CACNA1H: variants seen among roughly 807,000 people sequenced by gnomAD.
The protein encoded by CACNA1H is voltage-dependent T-type calcium channel subunit alpha-1H.
A neutral mutation model predicts 192.5 loss-of-function variants in CACNA1H; 149 were observed. The ratio of observed to expected loss-of-function variants is 0.77; its 90% CI spans 0.68 to 0.89. CACNA1H has a LOEUF of 0.89. Ranked by LOEUF, CACNA1H falls within the 40% of genes least tolerant of loss-of-function variation. CACNA1H has a pLI of 0.00. For missense variants in CACNA1H, 4,257 were observed against 3,423.5 expected, an observed-to-expected ratio of 1.24 and a Z score of -6.08; for synonymous variants, 2,202 against 1,475.2, an observed-to-expected ratio of 1.49 and a Z score of -11.29.
In CACNA1H at chr16:1,194,356, A is replaced by G. The variant is rs113594602; in HGVS notation, c.300-616A>G. 7.2e-5 allele frequency among the ~76,000 whole-genome samples: 11 copies of G among 152,312 alleles called. 2 individuals are homozygous for G. Among genetic ancestry groups the G allele is most frequent in the African/African-American group, 2.4e-4 (10 of 41,552 alleles). Reference sequence around the variant, plus strand: ...CTTAAGGAAGGTCCCTCCTGGGTCCACAGTCAGCTGACGGATTGCCTCTCC... The same window carrying G: ...CTTAAGGAAGGTCCCTCCTGGGTCCGCAGTCAGCTGACGGATTGCCTCTCC... On this transcript the variant is annotated intron_variant, in intron 2 of 34. Coordinates refer to ENST00000348261, the MANE Select transcript of CACNA1H (RefSeq NM_021098.3).
chr16:1,209,585 A>C lies in CACNA1H; in HGVS notation c.3744+173A>C, dbSNP rs1042400969. On this transcript the variant is annotated intron_variant, in intron 17 of 34. Transcript: ENST00000348261. ...TCCAGCAGTGTTCAGGGATTCAGCCACAGATGATCCCAGAGTCCCCCCTCT... is the reference window on the plus strand; with the variant it reads ...TCCAGCAGTGTTCAGGGATTCAGCCCCAGATGATCCCAGAGTCCCCCCTCT... The C allele has an allele frequency of 9.1e-6, 7 of 771,218 alleles. No individual in the cohort carries two copies. In the African/African-American group the frequency reaches 1.2e-4, roughly 14 times the overall value. The allele number at this position is 771,218 out of a possible 1,614,324, so 47.8% of individuals were successfully genotyped here. A position where few individuals can be genotyped will look rare whatever the true frequency, so the allele number is the denominator to read the frequency against.
chr16:1,186,468 C>T (rs1390626743), intron 2 of CACNA1H, among the ~76,000 whole-genome samples: 1 of 152,086 alleles, frequency 6.6e-6, no homozygotes, highest in Non-Finnish European at 1.5e-5. Flanking sequence ...GTCAAAGGGT[C>T]ACTGTGGACT....
intron 6 of CACNA1H, 93 bp from the exon 7 acceptor site, chr16:1,200,163 C>T (rs1338207435): frequency 8.8e-6 from 9 of 1,025,008 alleles, no homozygotes; most frequent in African/African-American, 5.2e-5. Context: ...ACGTCCCTGA[C>T]CTTGATCACG....
intron 12 of CACNA1H, 84 bp downstream of exon 12, chr16:1,206,373 A>T: frequency 7.6e-7 from 1 of 1,323,614 alleles, no homozygotes; most frequent in Non-Finnish European, 1.0e-6. Flanking sequence ...CCCCCGAAGG[A>T]GAAGGAGCCC....
chr16:1,178,940 C>T (rs1365379943), intron 2 of CACNA1H, among the ~76,000 whole-genome samples: 3 of 152,230 alleles, frequency 2.0e-5, no homozygotes, highest in African/African-American at 4.8e-5. Flanking sequence ...GGTGGCATCT[C>T]CCCAGCAGGC....
At chr16:1,191,154 C>T (rs1356019448) in intron 2 of CACNA1H, among the ~76,000 whole-genome samples, 1 of 92,040 alleles carries the variant, frequency 1.1e-5, no homozygotes, top group African/African-American at 6.0e-5. Flanking sequence ...ACTCAGCAGG[C>T]TGGCCTGGCT....
chr16:1,206,913 T>TCCCCCCCCCCC, intron 12 of CACNA1H, 88 bp from the exon 13 acceptor site: 5 of 70,704 alleles, frequency 7.1e-5, no homozygotes, highest in South Asian at 4.1e-4. Context: ...TGCCCCTCCC[T>TCCCCCCCCCCC]CCTCCCACCC....
In CACNA1H at chr16:1,220,827, G is replaced by A. The variant is rs2141413125; in HGVS notation, c.6895G>A (p.Ala2299Thr). Reference protein sequence around the residue: ...TPESRASSSGAIVPLEPPESE... With the variant: ...TPESRASSSGTIVPLEPPESE... ...AGAATCCAGAGCTTCCTCTTCAGGG[G>A]CCATAGTGCCCCTGGAACCCCCAGA... The change falls in exon 35 of 35, where the codon GCC (alanine) becomes ACC (threonine). Residue 2299 changes from alanine to threonine, a missense_variant. Transcript: ENST00000348261. The A allele has an allele frequency of 1.9e-6, 3 of 1,612,778 alleles. No homozygotes were observed. The highest frequency in any genetic ancestry group is 2.2e-5 in the East Asian group (1 of 44,852).
intron 12 of CACNA1H, chr16:1,206,798 T>C (rs983840777): frequency 1.4e-5 from 8 of 558,244 alleles, no homozygotes; most frequent in South Asian, 4.6e-5. Flanking sequence ...GCCTGTGGAA[T>C]GGACACTACT....
At chr16:1,175,117 G>T (rs1964747012) in intron 2 of CACNA1H, among the ~76,000 whole-genome samples, 1 of 151,956 alleles carries the variant, frequency 6.6e-6, no homozygotes, top group South Asian at 2.1e-4. Flanking sequence ...CACTGCGCGC[G>T]CAGGCCAACG....
chr16:1,182,110 G>C (rs899744500), intron 2 of CACNA1H, among the ~76,000 whole-genome samples: 3 of 152,176 alleles, frequency 2.0e-5, no homozygotes, highest in East Asian at 3.9e-4. Context: ...GTGTTTCCCC[G>C]GGCTGTGGCA....
rs1476430360 is a variant in CACNA1H at position 1,153,757 on chromosome 16, C to T, written c.20C>T (p.Ala7Val). 2 of 1,214,144 alleles carry T rather than the reference C, an allele frequency of 1.6e-6. No individual in the cohort carries two copies. The highest frequency in any genetic ancestry group is 2.0e-6 in the Non-Finnish European group (2 of 976,614). 75.2% of individuals were successfully genotyped at this position (1,214,144 alleles called of 1,614,324 possible). The change falls in exon 2 of 35, where the codon GCC becomes GTC. Residue 7 changes from alanine (A) to valine (V), a missense_variant. By Grantham distance (64) the Ala-to-Val change is moderately conservative. Coordinates refer to ENST00000348261, the MANE Select transcript of CACNA1H (RefSeq NM_021098.3). ...GCCACCATGACCGAGGGCGCACGGG[C>T]CGCCGACGAGGTCCGGGTGCCCCTG... MTEGAR[A>V]ADEVRVPLGA...
chr16:1,220,434 G>A lies in CACNA1H; in HGVS notation c.6502G>A (p.Ala2168Thr). Residue 2168 changes from alanine (A) to threonine (T), a missense_variant, in exon 35 of 35, where the codon GCG becomes ACG. Transcript: ENST00000348261. ...AELGSGEPGE[A>T]KAWGPEAEPA... ...GCTGGGCAGCGGGGAGCCTGGGGAG[G>A]CGAAGGCCTGGGGCCCTGAGGCCGA... 6.5e-7 allele frequency: 1 copy of A among 1,536,602 alleles called. No individual in the cohort carries two copies.
At position 1,180,767 on chromosome 16, in the gene CACNA1H, C is replaced by A. The variant is rs879443092; in HGVS notation, c.300-14205C>A. Among the ~76,000 whole-genome samples the A allele has an allele frequency of 7.9e-5, 12 of 152,108 alleles. No individual in the cohort carries two copies. Among genetic ancestry groups the A allele is most frequent in the Non-Finnish European group, 1.2e-4 (8 of 67,978 alleles). ...GCCGCCGAATAGGGGCCTGTGGCTC[C>A]CACAGGGAGGCCCCTTAGGTGAAGA... On this transcript the variant is annotated intron_variant, in intron 2 of 34. Transcript: ENST00000348261. This position sits in a 1 kb window ranked among gnomAD's most constrained non-coding sequence, Gnocchi z 4.4.
chr16:1,171,160 CT>C (rs1321893404), intron 2 of CACNA1H, among the ~76,000 whole-genome samples: 3 of 152,148 alleles, frequency 2.0e-5, no homozygotes, highest in Non-Finnish European at 4.4e-5. Context: ...GGGGTGCTCT[CT>C]GGGGAGCCCT....
In CACNA1H at chr16:1,213,716, T is replaced by C. The variant is rs1222144580; in HGVS notation, c.4778-64T>C. The C allele has an allele frequency of 3.1e-6, 4 of 1,308,006 alleles. No homozygotes were observed. In the South Asian group the frequency reaches 4.7e-5, roughly 15 times the overall value. 81.0% of individuals were successfully genotyped at this position (1,308,006 alleles called of 1,614,324 possible). A position where few individuals can be genotyped will look rare whatever the true frequency, so the allele number is the denominator to read the frequency against. On this transcript the variant is annotated intron_variant, in intron 26 of 34. Transcript: ENST00000348261. ...TTGGCCACCTAGGAGGAGAATGGAG[T>C]CTGCAGGAGCCAGGAGCGCCGGGCG...
At chr16:1,183,449 C>T (rs943128660) in intron 2 of CACNA1H, among the ~76,000 whole-genome samples, 8 of 152,208 alleles carry the variant, frequency 5.3e-5, no homozygotes, top group African/African-American at 1.9e-4. Flanking sequence ...TCCCTTGTCT[C>T]CATGGCAGCG....
At chr16:1,154,265 G>A (rs1428267678) in intron 2 of CACNA1H, among the ~76,000 whole-genome samples, 1 of 152,080 alleles carries the variant, frequency 6.6e-6, no homozygotes, top group African/African-American at 2.4e-5. Context: ...CCCCAGGGCC[G>A]GCTCCGGACG....
In CACNA1H at chr16:1,153,155, T is replaced by G. The variant is rs1430572353; in HGVS notation, c.-334T>G. 1.4e-5 allele frequency: 2 copies of G among 141,488 alleles called. No individual in the cohort carries two copies. The highest frequency in any genetic ancestry group is 6.9e-5 in the Admixed American group (1 of 14,430). The allele number at this position is 141,488 out of a possible 1,614,324, so 8.8% of individuals were successfully genotyped here. On this transcript the variant is annotated 5_prime_UTR_variant, in exon 1 of 35. Transcript: ENST00000348261. ...GCGGACGGGCTCGAGGCTCGCTCGC[T>G]GCCTCACCGGTCCCCGGCCCGCGCC... is the stretch of plus-strand genomic sequence containing the variant.
Sources: allele counts gnomAD v4.1 joint callset (sites outside exome capture counted in the v4.1 genomes callset), GRCh38; gene constraint gnomAD v4.1.1; non-coding constraint Gnocchi (gnomAD v3.1); transcripts MANE v1.5; gene names NCBI Gene and HGNC (gene_info 2026-07-23, HGNC 2026-07-21).